PLCB4: variants seen among roughly 807,000 people sequenced by gnomAD.
PLCB4 encodes phospholipase C beta 4.
A neutral mutation model predicts 178.8 loss-of-function variants in PLCB4; 77 were observed. The observed-to-expected ratio is 0.43, with a 90% CI of 0.36 to 0.52. The LOEUF (loss-of-function observed/expected upper bound fraction) is 0.52. Ranked by LOEUF, PLCB4 falls within the 20% of genes least tolerant of loss-of-function variation. The pLI, the probability that PLCB4 is intolerant of heterozygous loss-of-function variation, is 0.00. For synonymous variants in PLCB4, 496 were observed against 490.8 expected (o/e 1.01, Z -0.14); for missense variants, 1,024 against 1,453.4 (o/e 0.70, Z 4.80).
chr20:9,361,362 G>T (rs2035310321), intron 7 of PLCB4, among the ~76,000 whole-genome samples: 1 of 152,186 alleles, frequency 6.6e-6, no homozygotes, highest in African/African-American at 2.4e-5. Flanking sequence ...TATGCTAAGT[G>T]AAGAAAGCCA....
intron 4 of PLCB4, among the ~76,000 whole-genome samples, chr20:9,331,460 G>A (rs1239620672): frequency 6.6e-6 from 1 of 151,908 alleles, no homozygotes; most frequent in Non-Finnish European, 1.5e-5. Context: ...CGAGAGAGAG[G>A]GCAAGAGAGA....
chr20:9,326,451 G>C (rs1470469657), intron 4 of PLCB4, among the ~76,000 whole-genome samples: 1 of 152,148 alleles, frequency 6.6e-6, no homozygotes, highest in African/African-American at 2.4e-5. Flanking sequence ...GCTCATGGTT[G>C]ATTACTGAGG....
rs751168702 is a variant in PLCB4, at chr20:9,437,172, T to C, written c.2764+20T>C. ...AGAAAGGTGAGAGAGAGCCGTTGGGTTCCTTATCTTCTGCACCCACCTTAA... is the reference window on the plus strand; with the variant it reads ...AGAAAGGTGAGAGAGAGCCGTTGGGCTCCTTATCTTCTGCACCCACCTTAA... On this transcript the variant is annotated intron_variant, in intron 30 of 39. Transcript: ENST00000378473. The C allele has an allele frequency of 6.2e-7, 1 of 1,608,002 alleles. No homozygotes were observed. The highest frequency in any genetic ancestry group is 2.2e-5 in the East Asian group (1 of 44,778).
intron 2 of PLCB4, among the ~76,000 whole-genome samples, chr20:9,135,440 A>G (rs2092362679): frequency 6.6e-6 from 1 of 152,064 alleles, no homozygotes; most frequent in Non-Finnish European, 1.5e-5. Context: ...GGTGTGAGGA[A>G]TGAGGTGGTG....
chr20:9,386,235 G>A (rs996271237), intron 14 of PLCB4, among the ~76,000 whole-genome samples: 15 of 152,090 alleles, frequency 9.9e-5, no homozygotes, highest in South Asian at 2.1e-4. Flanking sequence ...CCTCGGCAAC[G>A]GAGGGAGACC....
chr20:9,398,912 C>T (rs990218282), intron 19 of PLCB4, among the ~76,000 whole-genome samples: 1 of 152,150 alleles, frequency 6.6e-6, no homozygotes, highest in African/African-American at 2.4e-5. Flanking sequence ...CCCAGAGCTA[C>T]CTGATTCAAG....
In PLCB4 at chr20:9,480,301, G is replaced by A. The variant is rs1220954642; in HGVS notation, c.*1292G>A. ...AGCCAAGAGGAGCGCATGGAAACCC[G>A]GTAGTCTAGAACTAATCAGATTACT... On this transcript the variant is annotated 3_prime_UTR_variant, in exon 40 of 40. Coordinates refer to ENST00000378473, the MANE Select transcript of PLCB4 (RefSeq NM_001377142.1). 1 of 152,556 alleles carries A rather than the reference G, an allele frequency of 6.6e-6. No homozygotes were observed. The allele number at this position is 152,556 out of a possible 1,614,324, so 9.5% of individuals were successfully genotyped here. A position where few individuals can be genotyped will look rare whatever the true frequency, so the allele number is the denominator to read the frequency against.
At chr20:9,076,941 C>T (rs2089898281) in intron 1 of PLCB4, among the ~76,000 whole-genome samples, 1 of 152,090 alleles carries the variant, frequency 6.6e-6, no homozygotes, top group Non-Finnish European at 1.5e-5. Flanking sequence ...TTTCCACCTA[C>T]ACCCATTCCC....
At chr20:9,112,883 C>CTTT (rs1339121653) in intron 2 of PLCB4, among the ~76,000 whole-genome samples, 19 of 30,176 alleles carry the variant, frequency 6.3e-4, no homozygotes, top group Non-Finnish European at 8.9e-4. Context: ...TTCCTCTTGC[C>CTTT]CTTTTTAAAA....
At chr20:9,313,243 C>T (rs1421991759) in intron 4 of PLCB4, among the ~76,000 whole-genome samples, 1 of 152,148 alleles carries the variant, frequency 6.6e-6, no homozygotes, top group East Asian at 1.9e-4. Flanking sequence ...ATTAGTTTTT[C>T]AACTTTTATA....
intron 26 of PLCB4, among the ~76,000 whole-genome samples, chr20:9,420,448 C>T (rs2040552941): frequency 1.3e-5 from 2 of 152,072 alleles, no homozygotes; most frequent in South Asian, 4.2e-4. Context: ...AGTGATTCTC[C>T]TGCACCTGTA....
intron 3 of PLCB4, among the ~76,000 whole-genome samples, chr20:9,261,006 A>C (rs750593392): frequency 4.6e-5 from 7 of 152,132 alleles, no homozygotes. Flanking sequence ...TCCAAGAGGC[A>C]AGTGTTCGCA....
intron 25 of PLCB4, among the ~76,000 whole-genome samples, chr20:9,412,056 G>A (rs1180557614): frequency 6.6e-6 from 1 of 152,194 alleles, no homozygotes; most frequent in Non-Finnish European, 1.5e-5. Context: ...CAGTGATTAT[G>A]CTATTCCCCA....
chr20:9,312,403 C>T (rs1031306879), intron 4 of PLCB4, among the ~76,000 whole-genome samples: 3 of 151,642 alleles, frequency 2.0e-5, no homozygotes, highest in African/African-American at 4.9e-5. Context: ...CACACGCACG[C>T]ACTCACACAC....
At chr20:9,154,111 C>G (rs577443787) in intron 2 of PLCB4, among the ~76,000 whole-genome samples, 2 of 152,028 alleles carry the variant, frequency 1.3e-5, no homozygotes, top group African/African-American at 4.8e-5. Flanking sequence ...GGGCAAAGTT[C>G]GGTTTAGGCC....
intron 4 of PLCB4, among the ~76,000 whole-genome samples, chr20:9,327,138 A>T (rs530994282): frequency 3.3e-5 from 5 of 152,146 alleles, no homozygotes; most frequent in Admixed American, 3.3e-4. Flanking sequence ...ACTATGTTTT[A>T]TATTAATAAT....
At chr20:9,391,237 C>T (rs2038116257) in intron 17 of PLCB4, among the ~76,000 whole-genome samples, 2 of 152,166 alleles carry the variant, frequency 1.3e-5, no homozygotes, top group Admixed American at 1.3e-4. Context: ...CATAGATAGG[C>T]TTTATGAGAT....
intron 32 of PLCB4, among the ~76,000 whole-genome samples, chr20:9,448,712 G>A (rs1168515168): frequency 6.6e-6 from 1 of 151,534 alleles, no homozygotes; most frequent in African/African-American, 2.4e-5. Context: ...GCCCAAGGAA[G>A]CCAAAAGATT....
At chr20:9,156,845 C>CTCCCTCCCTCCCTCCA in intron 2 of PLCB4, among the ~76,000 whole-genome samples, 1 of 130,298 alleles carries the variant, frequency 7.7e-6, no homozygotes, top group Non-Finnish European at 1.6e-5. Context: ...CCCTCCCTCC[C>CTCCCTCCCTCCCTCCA]TCCCTCCCTT....
Sources: allele counts gnomAD v4.1 joint callset (sites outside exome capture counted in the v4.1 genomes callset), GRCh38; gene constraint gnomAD v4.1.1; transcripts MANE v1.5; gene names NCBI Gene and HGNC (gene_info 2026-07-23, HGNC 2026-07-21).